Variants in RBM4B observed in about 807,000 individuals in gnomAD.
RBM4B encodes RNA binding motif protein 4B.
In RBM4B, 13 loss-of-function variants were observed where a neutral mutation model predicts 28.5. The ratio of observed to expected loss-of-function variants is 0.46; its 90% CI spans 0.30 to 0.72. The LOEUF (loss-of-function observed/expected upper bound fraction) is 0.72. Among genes scored for constraint, RBM4B ranks in the 30% least tolerant of loss-of-function variants. The pLI, the probability that RBM4B is intolerant of heterozygous loss-of-function variation, is 0.09. For synonymous variants in RBM4B, 167 were observed against 179.1 expected, an observed-to-expected ratio of 0.93 and a Z score of 0.54; for missense variants, 387 against 477.6, an observed-to-expected ratio of 0.81 and a Z score of 1.77.
rs1424567944 is a variant in RBM4B at position 66,674,370 on chromosome 11, G to A, written c.412+2298C>T. ...TCCCGAGTAGTGGGGACTACAAGGC[G>A]CCTGCCACCATGGCCGGCTAATTTT... On this transcript the variant is annotated intron_variant, in intron 2 of 3. Coordinates refer to ENST00000310046, the MANE Select transcript of RBM4B (RefSeq NM_031492.4). 9.9e-5 allele frequency among the ~76,000 whole-genome samples: 15 copies of A among 150,864 alleles called. 1 individual carries two copies. The highest frequency in any genetic ancestry group is 5.9e-4 in the Admixed American group (9 of 15,158).
intron 1 of RBM4B, 85 bp from the exon 2 acceptor site, chr11:66,677,176 A>G: frequency 6.7e-7 from 1 of 1,491,538 alleles, no homozygotes; most frequent in Non-Finnish European, 9.1e-7. Context: ...AATCCTCCAA[A>G]GTTCTTGCAC....
At chr11:66,670,368 G>A (rs535436735) in intron 2 of RBM4B, among the ~76,000 whole-genome samples, 2 of 151,976 alleles carry the variant, frequency 1.3e-5, no homozygotes, top group African/African-American at 2.4e-5. Flanking sequence ...ATTTCATCCT[G>A]CCATGTAACT....
intron 2 of RBM4B, among the ~76,000 whole-genome samples, chr11:66,674,407 T>C (rs1402136608): frequency 1.3e-5 from 2 of 151,778 alleles, no homozygotes; most frequent in East Asian, 3.9e-4. Context: ...TTTTTGTATT[T>C]TTAGTAGAGA....
At chr11:66,676,639 C>G in intron 2 of RBM4B, 29 bp downstream of exon 2, 1 of 1,608,786 alleles carries the variant, frequency 6.2e-7, no homozygotes, top group South Asian at 1.1e-5. Context: ...CCCCACTCGG[C>G]GCTACTACCC....
intron 3 of RBM4B, chr11:66,666,059 A>G: frequency 9.1e-7 from 1 of 1,093,880 alleles, no homozygotes. Flanking sequence ...CACAAGGGGT[A>G]GGATATCAAG....
chr11:66,666,135 C>G, intron 3 of RBM4B: 2 of 760,124 alleles, frequency 2.6e-6, no homozygotes, highest in Non-Finnish European at 4.0e-6. Context: ...GTGAGAGCCA[C>G]AGTTCCAGTA....
chr11:66,673,300 G>A (rs1203652896), intron 2 of RBM4B, among the ~76,000 whole-genome samples: 4 of 152,144 alleles, frequency 2.6e-5, no homozygotes, highest in Non-Finnish European at 4.4e-5. Flanking sequence ...AAGGAAATAA[G>A]TTGAGTTCAC....
At position 66,668,619 on chromosome 11, in the gene RBM4B, A is replaced by G. The variant is rs1329813655; in HGVS notation, c.*5T>C. On this transcript the variant is annotated 3_prime_UTR_variant, in exon 3 of 4. Coordinates refer to ENST00000310046, the MANE Select transcript of RBM4B (RefSeq NM_031492.4). The stretch of plus-strand genomic sequence containing the variant: ...CCATTCCCACCCATCTCTCACCTCC[A>G]GTTTTTAAAAGGCTGAGTACCGGGC... 6.3e-7 allele frequency: 1 copy of G among 1,592,724 alleles called. No homozygotes were observed. Among genetic ancestry groups the G allele is most frequent in the African/African-American group, 1.3e-5 (1 of 74,556 alleles).
intron 3 of RBM4B, chr11:66,666,215 T>C (rs774625902): frequency 3.1e-4 from 270 of 869,300 alleles, no homozygotes; most frequent in Middle Eastern, 4.1e-4. Context: ...CTAATCCTTC[T>C]ATTGATGATG....
Position 66,665,527 on chromosome 11 carries a change from C to CCCGGCA in RBM4B, c.*60_*61insTGCCGG. The CCCGGCA allele has an allele frequency of 7.0e-7, 1 of 1,425,958 alleles. No homozygotes were observed. Among genetic ancestry groups the CCCGGCA allele is most frequent in the Non-Finnish European group, 9.6e-7 (1 of 1,046,194 alleles). 88.3% of individuals were successfully genotyped at this position (1,425,958 alleles called of 1,614,324 possible). ...TCCCGGCAAAGGGGACCGCGCGGAG[C>CCCGGCA]AAGTTCTCATATATGACCGCAGCCC... is the stretch of plus-strand genomic sequence containing the variant. On this transcript the variant is annotated 3_prime_UTR_variant, in exon 4 of 4. Transcript: ENST00000310046.
At chr11:66,674,352 T>C (rs1215565668) in intron 2 of RBM4B, among the ~76,000 whole-genome samples, 2 of 151,352 alleles carry the variant, frequency 1.3e-5, no homozygotes, top group Non-Finnish European at 2.9e-5. Context: ...GCTTCCCGAG[T>C]AGTGGGGACT....
rs1327387714 is a variant in RBM4B, at chr11:66,671,109, C to A, written c.413-1818G>T. The A allele has an allele frequency of 8.8e-6, 6 of 682,528 alleles. No homozygotes were observed. In the Middle Eastern group the frequency reaches 1.5e-3, roughly 168 times the overall value. The allele number at this position is 682,528 out of a possible 1,614,324, so 42.3% of individuals were successfully genotyped here. A position where few individuals can be genotyped will look rare whatever the true frequency, so the allele number is the denominator to read the frequency against. On this transcript the variant is annotated intron_variant, in intron 2 of 3. Transcript: ENST00000310046. The stretch of plus-strand genomic sequence containing the variant: ...TCCTTCTGCCCAATGTCAAAGAGTC[C>A]TATCACTCCAGTTTCTAGCAGAAAC...
At position 66,669,289 on chromosome 11, in the gene RBM4B, T is replaced by C; in HGVS notation, c.415A>G (p.Lys139Glu). The change falls in exon 3 of 4, where the codon AAA becomes GAA. Residue 139 changes from lysine (K) to glutamate (E), a missense_variant and splice_region_variant. Coordinates refer to ENST00000310046, the MANE Select transcript of RBM4B (RefSeq NM_031492.4). ...GTGGACAACTGCACATGCATTCTTT[T>C]GCCTTGAGGGAACAGATGTAAGAAG... ...RGLDNTEFQG[K>E]RMHVQLSTSR... 6.2e-7 allele frequency: 1 copy of C among 1,611,824 alleles called. No individual in the cohort carries two copies. Among genetic ancestry groups the C allele is most frequent in the Non-Finnish European group, 8.5e-7 (1 of 1,178,092 alleles).
intron 3 of RBM4B, chr11:66,667,611 C>A (rs1939282790): frequency 6.6e-6 from 1 of 151,828 alleles, no homozygotes; most frequent in Admixed American, 6.6e-5. Flanking sequence ...TGGAAGTAAA[C>A]ATTTAAAATT....
At chr11:66,665,769 C>A in intron 3 of RBM4B, 191 bp from the exon 4 acceptor site, 1 of 1,307,108 alleles carries the variant, frequency 7.7e-7, no homozygotes, top group South Asian at 1.4e-5. Context: ...ATATAGGAAT[C>A]CACTTATGGC....
chr11:66,667,011 A>G (rs549723914), intron 3 of RBM4B: 1 of 151,778 alleles, frequency 6.6e-6, no homozygotes, highest in South Asian at 2.1e-4. Flanking sequence ...GGGATCCTCC[A>G]GCCTCAGCTT....
chr11:66,665,580 T>C lies in RBM4B; in HGVS notation c.*10-2A>G, dbSNP rs1939194384. ...GGGTTCAGTCCGCAATTATCCTACC[T>C]GAAAGAGAGCACAACACAAGAGGCT... On this transcript the variant is annotated splice_acceptor_variant, in intron 3 of 3. Coordinates refer to ENST00000310046, the MANE Select transcript of RBM4B (RefSeq NM_031492.4). LOFTEE classifies it low-confidence loss of function (3UTR_SPLICE). 2.6e-6 allele frequency: 4 copies of C among 1,535,862 alleles called. No homozygotes were observed. The highest frequency in any genetic ancestry group is 4.9e-5 in the East Asian group (2 of 40,924).
intron 2 of RBM4B, among the ~76,000 whole-genome samples, chr11:66,669,540 G>C (rs1406813749): frequency 2.6e-5 from 4 of 151,770 alleles, no homozygotes; most frequent in African/African-American, 9.7e-5. Flanking sequence ...TCCACCTCCC[G>C]GATTCAAGCA....
intron 3 of RBM4B, chr11:66,666,158 G>A (rs534331163): frequency 5.3e-6 from 4 of 758,602 alleles, no homozygotes; most frequent in Non-Finnish European, 5.8e-6. Context: ...TCCCCTAATT[G>A]ACCAAATCTC....
Sources: allele counts gnomAD v4.1 joint callset (sites outside exome capture counted in the v4.1 genomes callset), GRCh38; gene constraint gnomAD v4.1.1; transcripts MANE v1.5; gene names NCBI Gene and HGNC (gene_info 2026-07-23, HGNC 2026-07-21).